PANX3: variants seen among roughly 807,000 people sequenced by gnomAD.
PANX3 encodes the protein pannexin 3, also known as pannexin-3.
PANX3 carries 18 observed loss-of-function variants against 31.5 expected under a neutral mutation model. The observed-to-expected ratio is 0.57, with a 90% CI of 0.39 to 0.85. The LOEUF is 0.85. PANX3 is among the 40% of genes least tolerant of loss of function. The pLI is 0.00. For synonymous variants in PANX3, 194 were observed against 201.6 expected (o/e 0.96, Z 0.32); for missense variants, 426 against 485.4 (o/e 0.88, Z 1.15).
chr11:124,617,595 GCA>G, intron 3 of PANX3, 107 bp downstream of exon 3: 2 of 1,104,420 alleles, frequency 1.8e-6, no homozygotes, highest in Non-Finnish European at 2.7e-6. Context: ...TCTCAAGAAG[GCA>G]AAGTGCTTAA....
At position 124,616,086 on chromosome 11, in the gene PANX3, A is replaced by G. The variant is rs1186774355; in HGVS notation, c.325-1188A>G. On this transcript the variant is annotated intron_variant, in intron 2 of 3. Transcript: ENST00000284288. The surrounding 1 kb of genome is among the most constrained non-coding windows in gnomAD (Gnocchi z 4.8). ...TACTGTAGGCAAAATAGTTGGCCCA[A>G]CCCTGCTAGGTGTGGTAAGTATGAT... Among the ~76,000 whole-genome samples the G allele has an allele frequency of 6.6e-6, 1 of 152,184 alleles. No homozygotes were observed. Among genetic ancestry groups the G allele is most frequent in the Admixed American group, 6.5e-5 (1 of 15,270 alleles).
At chr11:124,611,859 T>C in intron 1 of PANX3, 122 bp downstream of exon 1, 1 of 1,121,356 alleles carries the variant, frequency 8.9e-7, no homozygotes, top group Non-Finnish European at 1.2e-6. Flanking sequence ...CTGGGCTGGA[T>C]TATCCAAAAG....
rs747899474 is a variant in PANX3 at position 124,619,913 on chromosome 11, C to A, written c.1157C>A (p.Ser386Ter). The change falls in exon 4 of 4, where the codon TCG (serine) becomes TAG (stop). Residue 386 changes from serine to a stop codon, truncating the protein, a stop_gained. Coordinates refer to ENST00000284288, the MANE Select transcript of PANX3 (RefSeq NM_052959.3). LOFTEE classifies it high-confidence loss of function. The stretch of plus-strand genomic sequence containing the variant: ...TCAAAACCCAAACACCTCACCAACT[C>A]GGCATGTGATGAACACCCATAGTTA... ...EPSKPKHLTN[S>*]ACDEHP 1 of 1,608,402 alleles carries A rather than the reference C, an allele frequency of 6.2e-7. No individual in the cohort carries two copies. Among genetic ancestry groups the A allele is most frequent in the African/African-American group, 1.3e-5 (1 of 74,486 alleles).
chr11:124,617,525 G>T, intron 3 of PANX3, 37 bp downstream of exon 3: 1 of 1,594,788 alleles, frequency 6.3e-7, no homozygotes. Context: ...GAGAAATTCA[G>T]TCAAGCATTA....
intron 2 of PANX3, 66 bp downstream of exon 2, chr11:124,613,188 T>C: frequency 6.4e-7 from 1 of 1,553,054 alleles, no homozygotes. Flanking sequence ...CCCTTCATTC[T>C]ACTCCCTCTT....
rs541056345 is a variant in PANX3 at position 124,620,176 on chromosome 11, A to C, written c.*241A>C. 2 of 502,656 alleles carry C rather than the reference A, an allele frequency of 4.0e-6. No individual in the cohort carries two copies. The highest frequency in any genetic ancestry group is 3.3e-5 in the East Asian group (1 of 30,054). The allele number at this position is 502,656 out of a possible 1,614,324, so 31.1% of individuals were successfully genotyped here. A position where few individuals can be genotyped will look rare whatever the true frequency, so the allele number is the denominator to read the frequency against. On this transcript the variant is annotated 3_prime_UTR_variant, in exon 4 of 4. Coordinates refer to ENST00000284288, the MANE Select transcript of PANX3 (RefSeq NM_052959.3). The stretch of plus-strand genomic sequence containing the variant: ...AGAGCTAAAAAATTAAGTCTAGAAC[A>C]TTCTATGAGGATAGTATAAATAAAA...
Position 124,619,624 on chromosome 11 carries a change from A to G in PANX3, c.868A>G (p.Asn290Asp), listed in dbSNP as rs1863193789. The G allele has an allele frequency of 6.2e-7, 1 of 1,613,964 alleles. No homozygotes were observed. Among genetic ancestry groups the G allele is most frequent in the African/African-American group, 1.3e-5 (1 of 74,892 alleles). ...YTILVPVIIY[N>D]LTRLCRWDKR... ...CATATTGGTTCCAGTGATAATATAC[A>G]ACCTCACACGGCTATGTCGGTGGGA... Residue 290 changes from asparagine (N) to aspartate (D), a missense_variant, in exon 4 of 4, where the codon AAC becomes GAC. Physicochemically the swap from Asn to Asp is conservative, Grantham distance 23. Coordinates refer to ENST00000284288, the MANE Select transcript of PANX3 (RefSeq NM_052959.3).
chr11:124,617,791 C>T lies in PANX3; in HGVS notation c.539+303C>T, dbSNP rs80223058. On this transcript the variant is annotated intron_variant, in intron 3 of 3. Coordinates refer to ENST00000284288, the MANE Select transcript of PANX3 (RefSeq NM_052959.3). ...TCATGCCTACCAAAGAATACCCAAACTTTCCCAGATATGTGTGCAAGGCCC... is the reference window on the plus strand; with the variant it reads ...TCATGCCTACCAAAGAATACCCAAATTTTCCCAGATATGTGTGCAAGGCCC... Among the ~76,000 whole-genome samples, 9 of 152,348 alleles carry T rather than the reference C, an allele frequency of 5.9e-5. No homozygotes were observed. In the East Asian group the frequency reaches 1.7e-3, roughly 29 times the overall value.
At position 124,617,441 on chromosome 11, in the gene PANX3, C is replaced by A. The variant is rs139602481; in HGVS notation, c.492C>A (p.Ile164=). ...SIRLVQHMLK[I]RQKSSDPYVF... is the part of the protein sequence containing the mutation. ...GCCTCGTGCAGCACATGCTGAAGAT[C>A]CGGCAGAAGAGTTCCGACCCCTATG... Residue 164 remains isoleucine (I), a synonymous_variant, in exon 3 of 4, where the codon ATC becomes ATA. Coordinates refer to ENST00000284288, the MANE Select transcript of PANX3 (RefSeq NM_052959.3). 1.2e-6 allele frequency: 2 copies of A among 1,614,142 alleles called. No individual in the cohort carries two copies. Among genetic ancestry groups the A allele is most frequent in the African/African-American group, 2.7e-5 (2 of 74,952 alleles).
At chr11:124,615,663 G>T (rs996177029) in intron 2 of PANX3, among the ~76,000 whole-genome samples, 2 of 152,122 alleles carry the variant, frequency 1.3e-5, no homozygotes, top group African/African-American at 4.8e-5. Flanking sequence ...TGACATCCTT[G>T]TGAAGATCAA....
At chr11:124,613,977 A>C (rs967240666) in intron 2 of PANX3, among the ~76,000 whole-genome samples, 1 of 152,014 alleles carries the variant, frequency 6.6e-6, no homozygotes, top group African/African-American at 2.4e-5. Context: ...GTGGGGTTTT[A>C]GGAGGAGGCA....
intron 3 of PANX3, 48 bp from the exon 4 acceptor site, chr11:124,619,248 G>T: frequency 6.4e-7 from 1 of 1,559,626 alleles, no homozygotes; most frequent in Non-Finnish European, 8.7e-7. Context: ...TTAGAGTATG[G>T]TTCTAAATGG....
At position 124,619,596 on chromosome 11, in the gene PANX3, C is replaced by T; in HGVS notation, c.840C>T (p.Tyr280=). ...TTAGCCTCTCCAGTGTAGCAATATA[C>T]ACCATATTGGTTCCAGTGATAATAT... ...QIVSLSSVAI[Y]TILVPVIIYN... Residue 280 remains tyrosine, a synonymous_variant, in exon 4 of 4, where the codon TAC becomes TAT. Coordinates refer to ENST00000284288, the MANE Select transcript of PANX3 (RefSeq NM_052959.3). The T allele has an allele frequency of 6.2e-7, 1 of 1,614,154 alleles. No homozygotes were observed. Among genetic ancestry groups the T allele is most frequent in the Non-Finnish European group, 8.5e-7 (1 of 1,180,022 alleles).
chr11:124,619,991 A>G lies in PANX3; in HGVS notation c.*56A>G, dbSNP rs1037816499. On this transcript the variant is annotated 3_prime_UTR_variant, in exon 4 of 4. Coordinates refer to ENST00000284288, the MANE Select transcript of PANX3 (RefSeq NM_052959.3). The stretch of plus-strand genomic sequence containing the variant: ...GAAAGTCTCTCTCCTTCCTCATAAG[A>G]CATGCACACTAATACACATACACAC... 3.3e-6 allele frequency: 5 copies of G among 1,528,616 alleles called. No homozygotes were observed. The highest frequency in any genetic ancestry group is 2.6e-6 in the Non-Finnish European group (3 of 1,138,676). 94.7% of individuals were successfully genotyped at this position (1,528,616 alleles called of 1,614,324 possible). A position where few individuals can be genotyped will look rare whatever the true frequency, so the allele number is the denominator to read the frequency against.
rs1465434529 is a variant in PANX3 at position 124,616,340 on chromosome 11, A to G, written c.325-934A>G. Among the ~76,000 whole-genome samples, 1 of 152,090 alleles carries G rather than the reference A, an allele frequency of 6.6e-6. No homozygotes were observed. Among genetic ancestry groups the G allele is most frequent in the African/African-American group, 2.4e-5 (1 of 41,400 alleles). ...CCAGTGCCCTGGGCAGTCTCCCTGT[A>G]TGCATTTCTGCTTCTTTACCTGGCT... On this transcript the variant is annotated intron_variant, in intron 2 of 3. Transcript: ENST00000284288. This position sits in a 1 kb window ranked among gnomAD's most constrained non-coding sequence, Gnocchi z 4.8.
chr11:124,617,130 G>A, intron 2 of PANX3, 144 bp from the exon 3 acceptor site: 1 of 689,562 alleles, frequency 1.5e-6, no homozygotes, highest in Non-Finnish European at 2.5e-6. Context: ...GGGTGCCTCA[G>A]GGGCTGAGCC....
At position 124,619,517 on chromosome 11, in the gene PANX3, A is replaced by C. The variant is rs201501168; in HGVS notation, c.761A>C (p.His254Pro). Residue 254 changes from histidine (H) to proline (P), a missense_variant, in exon 4 of 4, where the codon CAT (histidine) becomes CCT (proline). His to Pro is a moderately conservative substitution (Grantham distance 77). Transcript: ENST00000284288. ...ACAGGGCTGCTAAGTGATGAGACCC[A>C]TGTCCCCAATCTGATCACATGCAGG... ...IKTGLLSDETHVPNLITCRLT... is the reference protein window; with the variant it reads ...IKTGLLSDETPVPNLITCRLT... The C allele has an allele frequency of 1.2e-6, 2 of 1,614,186 alleles. No individual in the cohort carries two copies. Among genetic ancestry groups the C allele is most frequent in the East Asian group, 4.5e-5 (2 of 44,886 alleles).
At chr11:124,612,205 A>AG (rs1280287280) in intron 1 of PANX3, among the ~76,000 whole-genome samples, 1 of 152,150 alleles carries the variant, frequency 6.6e-6, no homozygotes, top group Non-Finnish European at 1.5e-5. Context: ...TAAGTGCCTG[A>AG]GGGCCATGCA....
rs1591369409 is a variant in PANX3 at position 124,619,535 on chromosome 11, C to T, written c.779C>T (p.Thr260Ile). ...GAGACCCATGTCCCCAATCTGATCA[C>T]ATGCAGGCTGACATCACTGTCCATT... ...SDETHVPNLI[T>I]CRLTSLSIFQ... is the part of the protein sequence containing the mutation. The change falls in exon 4 of 4, where the codon ACA becomes ATA. Residue 260 changes from threonine (T) to isoleucine (I), a missense_variant. Coordinates refer to ENST00000284288, the MANE Select transcript of PANX3 (RefSeq NM_052959.3). 1 of 1,614,212 alleles carries T rather than the reference C, an allele frequency of 6.2e-7. No homozygotes were observed. Among genetic ancestry groups the T allele is most frequent in the Non-Finnish European group, 8.5e-7 (1 of 1,180,042 alleles).
Sources: gnomAD v4.1 joint callset for allele counts (sites outside exome capture counted in the v4.1 genomes callset) on GRCh38, gnomAD v4.1.1 for gene constraint, Gnocchi (gnomAD v3.1) non-coding constraint, MANE v1.5 for transcripts, NCBI Gene and HGNC (gene_info 2026-07-23, HGNC 2026-07-21) for gene names.